The following PCTP variants were observed in gnomAD, a reference collection of about 807,000 sequenced individuals.
PCTP encodes START domain-containing protein 2.
PCTP carries 27 observed loss-of-function variants against 31.0 expected under a neutral mutation model. The observed-to-expected ratio is 0.87, with a 90% CI of 0.64 to 1.20. PCTP has a LOEUF of 1.20. PCTP is among the 50% of genes most tolerant of loss of function. The probability of loss-of-function intolerance (pLI) is 0.00; values close to 1 mark genes in which losing one functional copy is unlikely to be tolerated. For synonymous variants in PCTP, 108 were observed against 101.2 expected (o/e 1.07, Z -0.40); for missense variants, 287 against 268.2 (o/e 1.07, Z -0.49).
At chr17:55,754,902 A>G (rs888398840) in intron 1 of PCTP, among the ~76,000 whole-genome samples, 1 of 152,102 alleles carries the variant, frequency 6.6e-6, no homozygotes, top group African/African-American at 2.4e-5. Flanking sequence ...TGTATACTCT[A>G]TGTCCAATAC....
chr17:55,760,575 A>G (rs1026944156), intron 1 of PCTP, among the ~76,000 whole-genome samples: 1 of 152,168 alleles, frequency 6.6e-6, no homozygotes, highest in Non-Finnish European at 1.5e-5. Context: ...AGCTTTTCTG[A>G]TTTATGAGAC....
chr17:55,799,395 C>CTTTTTTTTTTTTTTTTTTT (rs71137177), intron 3 of PCTP, among the ~76,000 whole-genome samples: 1 of 140,532 alleles, frequency 7.1e-6, no homozygotes, highest in Non-Finnish European at 1.6e-5. Flanking sequence ...CTTTTTCTTT[C>CTTTTTTTTTTTTTTTTTTT]TTTTTTTTTT....
chr17:55,777,935 A>T (rs1384361886), downstream of PCTP, among the ~76,000 whole-genome samples: 1 of 152,226 alleles, frequency 6.6e-6, no homozygotes, highest in East Asian at 1.9e-4. Context: ...AAAAGCACTG[A>T]GATTATAGTC....
chr17:55,751,357 C>A (rs1909698805), intron 1 of PCTP, 113 bp downstream of exon 1: 2 of 1,528,046 alleles, frequency 1.3e-6, no homozygotes, highest in Non-Finnish European at 8.8e-7. Context: ...TCTTCTCCGG[C>A]TCAGGAAGGA....
At chr17:55,756,656 A>G (rs556199635) in intron 1 of PCTP, among the ~76,000 whole-genome samples, 6 of 152,020 alleles carry the variant, frequency 3.9e-5, no homozygotes, top group Non-Finnish European at 8.8e-5. Context: ...ACTTTCGTGT[A>G]TGTTTGAAAT....
intron 3 of PCTP, among the ~76,000 whole-genome samples, chr17:55,797,280 G>A (rs994352681): frequency 1.3e-5 from 2 of 151,944 alleles, no homozygotes; most frequent in Admixed American, 1.3e-4. Flanking sequence ...CAAAGAAAGC[G>A]ATAACTTGAG....
intron 5 of PCTP, among the ~76,000 whole-genome samples, chr17:55,831,937 G>T (rs989377723): frequency 2.6e-5 from 4 of 152,086 alleles, no homozygotes; most frequent in Admixed American, 2.6e-4. Context: ...TTAGCTGGGC[G>T]TGGTGGTGGG....
chr17:55,807,672 C>T (rs1912616933), intron 3 of PCTP, among the ~76,000 whole-genome samples: 1 of 152,040 alleles, frequency 6.6e-6, no homozygotes, highest in Non-Finnish European at 1.5e-5. Context: ...TATAGTTGGC[C>T]TTTATAAGTG....
exon 4 of PCTP, chr17:55,822,844 T>G: frequency 3.3e-6 from 4 of 1,227,206 alleles, no homozygotes; most frequent in Non-Finnish European, 4.1e-6. Flanking sequence ...TGCAATAGAT[T>G]GAGTGGAAGG....
chr17:55,781,578 T>G (rs1181251752), downstream of PCTP, among the ~76,000 whole-genome samples: 5 of 152,204 alleles, frequency 3.3e-5, no homozygotes, highest in African/African-American at 1.2e-4. Context: ...AACAACAGAC[T>G]GCATTCCAAT....
chr17:55,779,516 T>C (rs1486922248), downstream of PCTP, among the ~76,000 whole-genome samples: 2 of 152,094 alleles, frequency 1.3e-5, no homozygotes, highest in Non-Finnish European at 2.9e-5. Context: ...AGCGCTGACA[T>C]GAAGGAGAGG....
intron 1 of PCTP, among the ~76,000 whole-genome samples, chr17:55,766,926 T>G (rs369941724): frequency 2.5e-4 from 38 of 152,116 alleles, no homozygotes; most frequent in Admixed American, 3.3e-4. Flanking sequence ...AGCACCTGTT[T>G]TTTCCTGACT....
chr17:55,849,680 C>G, the PCTP span, among the ~76,000 whole-genome samples: 1 of 151,902 alleles, frequency 6.6e-6, no homozygotes, highest in Non-Finnish European at 1.5e-5. Context: ...CAATATCTTC[C>G]AAATAATAAA....
chr17:55,829,706 ACACAC>A (rs1905531511), intron 5 of PCTP, among the ~76,000 whole-genome samples: 2 of 151,994 alleles, frequency 1.3e-5, no homozygotes, highest in Non-Finnish European at 2.9e-5. Context: ...ACACACACAC[ACACAC>A]ACACACACAC....
chr17:55,781,284 G>T (rs74952348), downstream of PCTP, among the ~76,000 whole-genome samples: 6,118 of 152,252 alleles, frequency 0.04, 407 homozygotes, highest in African/African-American at 0.13. Flanking sequence ...CCCATGCTTT[G>T]CCTCAGGCTA....
At chr17:55,833,534 G>A (rs774976823) in intron 5 of PCTP, among the ~76,000 whole-genome samples, 31 of 152,196 alleles carry the variant, frequency 2.0e-4, no homozygotes, top group Non-Finnish European at 3.8e-4. Context: ...CCCAATGCCA[G>A]ACTTCAAAAT....
intron 5 of PCTP, among the ~76,000 whole-genome samples, chr17:55,838,718 T>C (rs992185755): frequency 6.6e-6 from 1 of 152,248 alleles, no homozygotes; most frequent in Non-Finnish European, 1.5e-5. Flanking sequence ...TTTATGTGCA[T>C]TATCCCAGAC....
chr17:55,788,533 C>T (rs563859017), intron 3 of PCTP, among the ~76,000 whole-genome samples: 16 of 152,274 alleles, frequency 1.1e-4, no homozygotes, highest in Admixed American at 8.5e-4. Flanking sequence ...AAATAAACAT[C>T]ATCTTTGACC....
Position 55,772,542 on chromosome 17 carries a change from G to GTGACA in PCTP, c.340-1181_340-1177dup, listed in dbSNP as rs1911070198. Among the ~76,000 whole-genome samples the GTGACA allele has an allele frequency of 2.0e-5, 3 of 148,672 alleles. No homozygotes were observed. In the South Asian group the frequency reaches 6.5e-4, roughly 32 times the overall value. ...GTGGAGGTTGCAGTGAGCCGAGATC[G>GTGACA]TGACACTCTACTCCAGTCTGGGTGA... On this transcript the variant is annotated intron_variant, in intron 3 of 5. Transcript: ENST00000268896.
Sources: gnomAD v4.1 joint callset for allele counts (sites outside exome capture counted in the v4.1 genomes callset) on GRCh38, gnomAD v4.1.1 for gene constraint, MANE v1.5 for transcripts, NCBI Gene and HGNC (gene_info 2026-07-23, HGNC 2026-07-21) for gene names.